CASC3: variants seen among roughly 807,000 people sequenced by gnomAD.
The protein encoded by CASC3 is CASC3 exon junction complex subunit, also known as protein CASC3.
In CASC3, 30 loss-of-function variants were observed where a neutral mutation model predicts 80.5. The observed-to-expected ratio is 0.37, with a 90% CI of 0.28 to 0.51. CASC3 has a LOEUF of 0.51. Among genes scored for constraint, CASC3 ranks in the 20% least tolerant of loss-of-function variants. CASC3 has a pLI of 0.94. For synonymous variants in CASC3, 312 were observed against 333.6 expected (o/e 0.94, Z 0.70); for missense variants, 824 against 922.2 (o/e 0.89, Z 1.38).
At chr17:40,142,824 C>G (rs1456301880) in intron 3 of CASC3, among the ~76,000 whole-genome samples, 1 of 152,018 alleles carries the variant, frequency 6.6e-6, no homozygotes, top group Non-Finnish European at 1.5e-5. Flanking sequence ...TGGTGTGAAT[C>G]CGGGAGGCGG....
Position 40,140,794 on chromosome 17 carries a change from G to A in CASC3, c.231+15G>A, listed in dbSNP as rs1183672236. ...AGTCGGAGTGTGTGAGTGCGCGCAG[G>A]CGGGGCGGGGTGGGGACCGGGCGGC... On this transcript the variant is annotated intron_variant, in intron 1 of 13. Coordinates refer to ENST00000264645, the MANE Select transcript of CASC3 (RefSeq NM_007359.5). The A allele has an allele frequency of 1.5e-5, 21 of 1,437,126 alleles. No individual in the cohort carries two copies. Among genetic ancestry groups the A allele is most frequent in the Non-Finnish European group, 1.9e-5 (21 of 1,094,238 alleles). 89.0% of individuals were successfully genotyped at this position (1,437,126 alleles called of 1,614,324 possible).
rs1379068247 is a variant in CASC3 at position 40,168,143 on chromosome 17, G to A, written c.1751-60G>A. On this transcript the variant is annotated intron_variant, in intron 10 of 13. Transcript: ENST00000264645. ...CCTGATTATACTGAGCAGTCCAGCC[G>A]GGCCATCCTGTGAAAATGATGTTAC... is the stretch of plus-strand genomic sequence containing the variant. 20 of 1,486,020 alleles carry A rather than the reference G, an allele frequency of 1.3e-5. No individual in the cohort carries two copies. In the East Asian group the frequency reaches 2.3e-4, roughly 17 times the overall value. 92.1% of individuals were successfully genotyped at this position (1,486,020 alleles called of 1,614,324 possible). A position where few individuals can be genotyped will look rare whatever the true frequency, so the allele number is the denominator to read the frequency against.
At chr17:40,150,794 C>T (rs550965345) in intron 3 of CASC3, among the ~76,000 whole-genome samples, 28 of 152,192 alleles carry the variant, frequency 1.8e-4, no homozygotes, top group Middle Eastern at 3.4e-3. Flanking sequence ...AGGCAGATCA[C>T]GAGGTCAGGA....
At position 40,172,126 on chromosome 17, in the gene CASC3, A is replaced by T; in HGVS notation, c.*1721A>T. 7.8e-7 allele frequency: 1 copy of T among 1,289,898 alleles called. No individual in the cohort carries two copies. The highest frequency in any genetic ancestry group is 1.0e-6 in the Non-Finnish European group (1 of 988,860). The allele number at this position is 1,289,898 out of a possible 1,614,324, so 79.9% of individuals were successfully genotyped here. On this transcript the variant is annotated 3_prime_UTR_variant, in exon 14 of 14. Coordinates refer to ENST00000264645, the MANE Select transcript of CASC3 (RefSeq NM_007359.5). Reference sequence around the variant, plus strand: ...CTGTTTTAAAGGGTGCCCATTTGTGATCAGCATTGTGACTTGGAGATAATA... The same window carrying T: ...CTGTTTTAAAGGGTGCCCATTTGTGTTCAGCATTGTGACTTGGAGATAATA...
intron 3 of CASC3, among the ~76,000 whole-genome samples, chr17:40,149,057 G>A (rs186392677): frequency 2.0e-5 from 3 of 151,996 alleles, no homozygotes; most frequent in East Asian, 1.9e-4. Flanking sequence ...TGCATTTTTA[G>A]TAGAGACGCG....
rs1298796102 is a variant in CASC3, at chr17:40,162,731, G to T, written c.615G>T (p.Lys205Asn). 1 of 1,613,444 alleles carries T rather than the reference G, an allele frequency of 6.2e-7. No homozygotes were observed. The highest frequency in any genetic ancestry group is 8.5e-7 in the Non-Finnish European group (1 of 1,179,876). Residue 205 changes from lysine (K) to asparagine (N), a missense_variant, in exon 6 of 14, where the codon AAG (lysine) becomes AAT (asparagine). Lys to Asn is a moderately conservative substitution (Grantham distance 94, BLOSUM62 0). This residue lies in a region of CASC3 where 201 missense variants were observed against 294.1 expected (regional missense o/e 0.68). Transcript: ENST00000264645. The part of the protein sequence containing the change: ...GQTQEEEVRP[K>N]GRQRKLWKDE... ...TTTCCTTCATTTTATCCAGACCCAA[G>T]GGGCGTCAGCGAAAGCTATGGAAGG...
At position 40,146,925 on chromosome 17, in the gene CASC3, C is replaced by G. The variant is rs140297574; in HGVS notation, c.297+5318C>G. ...CTACTGAATGTTTATGGCTTTCATA[C>G]CACCATAAAGTCAAAATTATAAGTT... On this transcript the variant is annotated intron_variant, in intron 3 of 13. Coordinates refer to ENST00000264645, the MANE Select transcript of CASC3 (RefSeq NM_007359.5). 9.0e-3 allele frequency among the ~76,000 whole-genome samples: 1,364 copies of G among 152,162 alleles called. 21 individuals are homozygous for G. Among genetic ancestry groups the G allele is most frequent in the African/African-American group, 0.031 (1,307 of 41,500 alleles).
chr17:40,151,321 C>T (rs1442161732), intron 3 of CASC3, among the ~76,000 whole-genome samples: 6 of 152,100 alleles, frequency 3.9e-5, no homozygotes, highest in Non-Finnish European at 5.9e-5. Context: ...AAGTGATTCT[C>T]GTTCGTCAGC....
rs1182725090 is a variant in CASC3, at chr17:40,166,881, T to C, written c.1536+20T>C. The C allele has an allele frequency of 6.3e-7, 1 of 1,584,242 alleles. No homozygotes were observed. ...GAAATGGTACAGAAGGGGAAAGGGG[T>C]AGATGGGGGAGGGAGCTGCCTGTTA... On this transcript the variant is annotated intron_variant, in intron 8 of 13. Transcript: ENST00000264645.
At chr17:40,169,131 T>C (rs963374446) in intron 11 of CASC3, 193 bp from the exon 12 acceptor site, 2 of 580,196 alleles carry the variant, frequency 3.4e-6, no homozygotes, top group Non-Finnish European at 5.8e-6. Flanking sequence ...TTTGAAGAAA[T>C]AAAAACCAGA....
rs965525691 is a variant in CASC3, at chr17:40,172,126, A to G, written c.*1721A>G. The G allele has an allele frequency of 2.3e-6, 3 of 1,289,898 alleles. No individual in the cohort carries two copies. Among genetic ancestry groups the G allele is most frequent in the Non-Finnish European group, 3.0e-6 (3 of 988,860 alleles). 79.9% of individuals were successfully genotyped at this position (1,289,898 alleles called of 1,614,324 possible). A position where few individuals can be genotyped will look rare whatever the true frequency, so the allele number is the denominator to read the frequency against. On this transcript the variant is annotated 3_prime_UTR_variant, in exon 14 of 14. Transcript: ENST00000264645. Reference sequence around the variant, plus strand: ...CTGTTTTAAAGGGTGCCCATTTGTGATCAGCATTGTGACTTGGAGATAATA... The same window carrying G: ...CTGTTTTAAAGGGTGCCCATTTGTGGTCAGCATTGTGACTTGGAGATAATA...
At chr17:40,168,505 G>A in intron 11 of CASC3, 88 bp downstream of exon 11, 1 of 1,127,676 alleles carries the variant, frequency 8.9e-7, no homozygotes, top group Non-Finnish European at 1.2e-6. Flanking sequence ...AAAGGAATTT[G>A]AGAGAACATT....
chr17:40,169,465 A>G lies in CASC3; in HGVS notation c.2088+19A>G. 6.2e-7 allele frequency: 1 copy of G among 1,601,262 alleles called. No homozygotes were observed. Among genetic ancestry groups the G allele is most frequent in the Non-Finnish European group, 8.5e-7 (1 of 1,174,704 alleles). On this transcript the variant is annotated intron_variant, in intron 12 of 13. Coordinates refer to ENST00000264645, the MANE Select transcript of CASC3 (RefSeq NM_007359.5). ...ACCTGAGGTATGAGAGTTCCTTCCT[A>G]TACTTAATGCACATGCTCCGTCAGT...
intron 3 of CASC3, among the ~76,000 whole-genome samples, chr17:40,145,349 T>C (rs1283519741): frequency 5.3e-5 from 8 of 151,656 alleles, no homozygotes; most frequent in Admixed American, 4.6e-4. Context: ...AATTTTTGTA[T>C]TTTTAGTAGA....
intron 3 of CASC3, among the ~76,000 whole-genome samples, chr17:40,150,579 G>A (rs1490031754): frequency 6.6e-6 from 1 of 152,068 alleles, no homozygotes; most frequent in Non-Finnish European, 1.5e-5. Flanking sequence ...AATGAGCTAT[G>A]GAGTCTAGAG....
chr17:40,168,169 T>C, intron 10 of CASC3, 34 bp from the exon 11 acceptor site: 1 of 1,583,276 alleles, frequency 6.3e-7, no homozygotes. Flanking sequence ...ATGATGTTAC[T>C]TTATTTTTCA....
intron 3 of CASC3, among the ~76,000 whole-genome samples, chr17:40,150,409 T>A (rs1988971657): frequency 1.3e-5 from 1 of 75,154 alleles, no homozygotes; most frequent in Non-Finnish European, 2.9e-5. Context: ...AAAGTAAGAG[T>A]GTGTGCGTGT....
intron 8 of CASC3, 120 bp downstream of exon 8, chr17:40,166,981 C>CAT: frequency 1.4e-6 from 1 of 714,124 alleles, no homozygotes; most frequent in Non-Finnish European, 2.2e-6. Context: ...TTTTTTGAGA[C>CAT]AGAGTCTCGC....
intron 3 of CASC3, among the ~76,000 whole-genome samples, chr17:40,156,751 C>A (rs1430453149): frequency 1.3e-5 from 2 of 151,954 alleles, no homozygotes; most frequent in Non-Finnish European, 2.9e-5. Context: ...TTAAGAGTGC[C>A]TATCCTGTCT....
Sources: allele counts gnomAD v4.1 joint callset (sites outside exome capture counted in the v4.1 genomes callset), GRCh38; gene constraint gnomAD v4.1.1; regional missense constraint gnomAD v4.1.1; transcripts MANE v1.5; gene names NCBI Gene and HGNC (gene_info 2026-07-23, HGNC 2026-07-21).